Variants in RNF125 observed in about 807,000 individuals in gnomAD.
RNF125 encodes the protein ring finger protein 125.
RNF125 carries 21 observed loss-of-function variants against 26.0 expected under a neutral mutation model. The ratio of observed to expected loss-of-function variants is 0.81; its 90% CI spans 0.57 to 1.16. RNF125 has a LOEUF of 1.16. RNF125 is among the 50% of genes most tolerant of loss of function. RNF125 has a pLI of 0.00. For missense variants in RNF125, 270 were observed against 299.4 expected, an observed-to-expected ratio of 0.90 and a Z score of 0.72; for synonymous variants, 95 against 109.2, an observed-to-expected ratio of 0.87 and a Z score of 0.81.
the RNF125 span, among the ~76,000 whole-genome samples, chr18:32,088,280 C>A: frequency 6.6e-6 from 1 of 152,092 alleles, no homozygotes; most frequent in African/African-American, 2.4e-5. Context: ...ACAAAGATAC[C>A]AAAGGGTAGA....
In RNF125 at chr18:32,060,004, G is replaced by A. The variant is rs561144288; in HGVS notation, c.505-5898G>A. On this transcript the variant is annotated intron_variant, in intron 4 of 5. Transcript: ENST00000217740. ...ATCTTTCCCCTTTTCCTAGCAAGAGGATTTCTTTGGTCCTCAATTTGGTCA... is the reference window on the plus strand; with the variant it reads ...ATCTTTCCCCTTTTCCTAGCAAGAGAATTTCTTTGGTCCTCAATTTGGTCA... Among the ~76,000 whole-genome samples the A allele has an allele frequency of 8.5e-5, 13 of 152,262 alleles. No homozygotes were observed. In the East Asian group the frequency reaches 1.9e-3, roughly 23 times the overall value.
intron 4 of RNF125, among the ~76,000 whole-genome samples, chr18:32,049,177 A>C (rs540694049): frequency 6.6e-6 from 1 of 152,304 alleles, no homozygotes; most frequent in South Asian, 2.1e-4. Context: ...TAGGTCCTCC[A>C]TGATTTTACA....
In RNF125 at chr18:32,069,638, A is replaced by G. The variant is rs1460635862; in HGVS notation, c.*1254A>G. ...ACAACCCCACAAAAGTAACTGCTAGACTGATTTAAATGGTAATCACTTTGT... is the reference window on the plus strand; with the variant it reads ...ACAACCCCACAAAAGTAACTGCTAGGCTGATTTAAATGGTAATCACTTTGT... On this transcript the variant is annotated 3_prime_UTR_variant, in exon 6 of 6. Coordinates refer to ENST00000217740, the MANE Select transcript of RNF125 (RefSeq NM_017831.4). The G allele has an allele frequency of 6.6e-6, 1 of 152,186 alleles. No individual in the cohort carries two copies. The highest frequency in any genetic ancestry group is 1.5e-5 in the Non-Finnish European group (1 of 68,038). The allele number at this position is 152,186 out of a possible 1,614,324, so 9.4% of individuals were successfully genotyped here.
chr18:32,081,288 AC>A, the RNF125 span, among the ~76,000 whole-genome samples: 33 of 152,178 alleles, frequency 2.2e-4, no homozygotes, highest in Non-Finnish European at 5.9e-5. Context: ...TTAAGCAAAT[AC>A]CATGGTGTAT....
chr18:32,042,472 C>T (rs1473434837), intron 3 of RNF125, among the ~76,000 whole-genome samples, 199 bp downstream of exon 3: 1 of 152,112 alleles, frequency 6.6e-6, no homozygotes, highest in African/African-American at 2.4e-5. Flanking sequence ...TTAAAAATTT[C>T]CAGGGGTAAC....
rs1047777856 is a variant in RNF125, at chr18:32,019,097, T to C, written c.164+70T>C. The stretch of plus-strand genomic sequence containing the variant: ...CGATGTGGGGAAGCTGAGGGCATGG[T>C]GTGGGGAAGGAGGGGGACGGAAGAC... On this transcript the variant is annotated intron_variant, in intron 1 of 5. Transcript: ENST00000217740. 15 of 1,562,548 alleles carry C rather than the reference T, an allele frequency of 9.6e-6. No individual in the cohort carries two copies. In the African/African-American group the frequency reaches 1.9e-4, roughly 20 times the overall value.
At position 32,071,703 on chromosome 18, in the gene RNF125, G is replaced by T. The variant is rs568255125; in HGVS notation, c.*3319G>T. 1 of 152,150 alleles carries T rather than the reference G, an allele frequency of 6.6e-6. No homozygotes were observed. The highest frequency in any genetic ancestry group is 2.1e-4 in the South Asian group (1 of 4,816). 9.4% of individuals were successfully genotyped at this position (152,150 alleles called of 1,614,324 possible). On this transcript the variant is annotated 3_prime_UTR_variant, in exon 6 of 6. Transcript: ENST00000217740. ...CTATAAGTTATTGTAACTCCTTAAA[G>T]GTCTTGCTACAGTTCTTTTATCCAG...
the RNF125 span, among the ~76,000 whole-genome samples, chr18:32,089,730 G>A: frequency 2.0e-5 from 3 of 152,012 alleles, no homozygotes; most frequent in East Asian, 1.9e-4. Flanking sequence ...CGTGTATACC[G>A]AATGACTTAT....
intron 4 of RNF125, among the ~76,000 whole-genome samples, chr18:32,057,282 G>A (rs1320010746): frequency 1.3e-5 from 2 of 151,290 alleles, no homozygotes; most frequent in African/African-American, 4.9e-5. Context: ...TTATGATTGA[G>A]TCATATTTCT....
chr18:32,047,942 C>T (rs763849861), intron 4 of RNF125, among the ~76,000 whole-genome samples: 4 of 151,808 alleles, frequency 2.6e-5, no homozygotes, highest in African/African-American at 7.3e-5. Context: ...CTGGCCAACA[C>T]GGTGAAACCC....
At chr18:32,087,027 C>A in the RNF125 span, among the ~76,000 whole-genome samples, 13 of 152,114 alleles carry the variant, frequency 8.5e-5, no homozygotes, top group Admixed American at 3.9e-4. Context: ...TTGGTCATAA[C>A]TGAGTCACAT....
At chr18:32,076,157 G>T, downstream of RNF125, 2 of 554,340 alleles carry the variant, frequency 3.6e-6, no homozygotes, top group Non-Finnish European at 6.7e-6. Flanking sequence ...CATTATCACA[G>T]TTAGAAACCG....
At chr18:32,038,043 A>ATTTTT (rs35226765) in intron 2 of RNF125, among the ~76,000 whole-genome samples, 48 of 103,374 alleles carry the variant, frequency 4.6e-4, no homozygotes, top group African/African-American at 1.3e-3. Flanking sequence ...GGTCCGTGCC[A>ATTTTT]TTTTTTTTTT....
chr18:32,049,853 TG>T (rs2039306747), intron 4 of RNF125, among the ~76,000 whole-genome samples: 1 of 152,008 alleles, frequency 6.6e-6, no homozygotes, highest in Non-Finnish European at 1.5e-5. Flanking sequence ...ATTTACCCCA[TG>T]GTTAGGAAAA....
intron 1 of RNF125, among the ~76,000 whole-genome samples, chr18:32,032,709 G>A (rs1443745201): frequency 6.6e-6 from 1 of 152,030 alleles, no homozygotes; most frequent in Admixed American, 6.6e-5. Flanking sequence ...ACCCAGTGGA[G>A]GGCCGGGCTT....
At chr18:32,066,556 A>G (rs955367474) in intron 5 of RNF125, among the ~76,000 whole-genome samples, 2 of 152,164 alleles carry the variant, frequency 1.3e-5, no homozygotes, top group Non-Finnish European at 2.9e-5. Flanking sequence ...TCTGCCAATT[A>G]TTATTATCCA....
At chr18:32,030,237 T>A (rs2039079133) in intron 1 of RNF125, among the ~76,000 whole-genome samples, 1 of 152,074 alleles carries the variant, frequency 6.6e-6, no homozygotes, top group African/African-American at 2.4e-5. Flanking sequence ...GAGACAGGGT[T>A]TCACCATGTT....
chr18:32,049,169 G>A (rs1902519941), intron 4 of RNF125, among the ~76,000 whole-genome samples: 1 of 152,146 alleles, frequency 6.6e-6, no homozygotes, highest in African/African-American at 2.4e-5. Flanking sequence ...CATGAAGCTA[G>A]GTCCTCCATG....
rs2039508359 is a variant in RNF125 at position 32,068,855 on chromosome 18, T to A, written c.*471T>A. The A allele has an allele frequency of 6.6e-6, 1 of 152,626 alleles. No homozygotes were observed. The highest frequency in any genetic ancestry group is 2.1e-4 in the South Asian group (1 of 4,848). 9.5% of individuals were successfully genotyped at this position (152,626 alleles called of 1,614,324 possible). A position where few individuals can be genotyped will look rare whatever the true frequency, so the allele number is the denominator to read the frequency against. The stretch of plus-strand genomic sequence containing the variant: ...TGTTCTAATCTCTAATAGGTTAACG[T>A]TAATAATCTTGTATGGGAGTTGGAA... On this transcript the variant is annotated 3_prime_UTR_variant, in exon 6 of 6. Coordinates refer to ENST00000217740, the MANE Select transcript of RNF125 (RefSeq NM_017831.4).
Sources: gnomAD v4.1 joint callset for allele counts (sites outside exome capture counted in the v4.1 genomes callset) on GRCh38, gnomAD v4.1.1 for gene constraint, MANE v1.5 for transcripts, NCBI Gene and HGNC (gene_info 2026-07-23, HGNC 2026-07-21) for gene names.